Variants in BUB1B observed in about 807,000 individuals in gnomAD.
BUB1B encodes BUB1 mitotic checkpoint serine/threonine kinase B, also known as mitotic checkpoint serine/threonine-protein kinase BUB1 beta.
A neutral mutation model predicts 137.7 loss-of-function variants in BUB1B; 86 were observed. That is an observed-to-expected ratio of 0.62 (90% CI 0.52 to 0.75). The LOEUF (loss-of-function observed/expected upper bound fraction) is 0.75. Ranked by LOEUF, BUB1B falls within the 30% of genes least tolerant of loss-of-function variation. BUB1B has a pLI of 0.00. For missense variants in BUB1B, 1,130 were observed against 1,236.9 expected, an observed-to-expected ratio of 0.91 and a Z score of 1.30; for synonymous variants, 420 against 417.9, an observed-to-expected ratio of 1.00 and a Z score of -0.06.
At chr15:40,219,953 G>A (rs188062769) in intron 22 of BUB1B, among the ~76,000 whole-genome samples, 1 of 152,234 alleles carries the variant, frequency 6.6e-6, no homozygotes, top group Admixed American at 6.5e-5. Flanking sequence ...GAAATACAAT[G>A]TAAGACATAT....
At chr15:40,196,422 G>T (rs1016943808) in intron 8 of BUB1B, 123 bp from the exon 9 acceptor site, 2 of 860,156 alleles carry the variant, frequency 2.3e-6, no homozygotes, top group Non-Finnish European at 3.7e-6. Context: ...GTAATGTAAG[G>T]CCTCCAGATT....
At chr15:40,175,243 T>A (rs1375933893) in intron 4 of BUB1B, among the ~76,000 whole-genome samples, 1 of 152,152 alleles carries the variant, frequency 6.6e-6, no homozygotes, top group African/African-American at 2.4e-5. Flanking sequence ...TGTTTAAATA[T>A]CCAGAAGTAG....
intron 18 of BUB1B, among the ~76,000 whole-genome samples, chr15:40,210,984 C>T (rs531035917): frequency 2.3e-4 from 35 of 152,300 alleles, no homozygotes; most frequent in African/African-American, 7.7e-4. Flanking sequence ...TTAATTCCCT[C>T]AGTTCTGAGA....
At chr15:40,175,247 G>A (rs967565791) in intron 4 of BUB1B, among the ~76,000 whole-genome samples, 4 of 152,110 alleles carry the variant, frequency 2.6e-5, no homozygotes, top group African/African-American at 9.7e-5. Flanking sequence ...TAAATATCCA[G>A]AAGTAGATGA....
At chr15:40,203,363 G>T (rs2037598682) in intron 14 of BUB1B, among the ~76,000 whole-genome samples, 1 of 152,206 alleles carries the variant, frequency 6.6e-6, no homozygotes, top group Non-Finnish European at 1.5e-5. Flanking sequence ...AAGTGTCATG[G>T]ATTGAGGTTT....
chr15:40,212,735 G>C (rs2037730102), intron 19 of BUB1B, 87 bp downstream of exon 19: 5 of 1,263,584 alleles, frequency 4.0e-6, no homozygotes, highest in Non-Finnish European at 5.6e-6. Flanking sequence ...CAAAATTCCT[G>C]TCAATCTTCT....
Position 40,196,717 on chromosome 15 carries a change from T to G in BUB1B, c.1231T>G (p.Ser411Ala). The G allele has an allele frequency of 6.2e-7, 1 of 1,614,098 alleles. No homozygotes were observed. The highest frequency in any genetic ancestry group is 8.5e-7 in the Non-Finnish European group (1 of 1,179,948). ...EKIYAGVGEF[S>A]FEEIRAEVFR... ...GATTTATGCAGGAGTAGGGGAATTCTCCTTTGAAGAAATTCGGGCTGAAGT... is the reference window on the plus strand; with the variant it reads ...GATTTATGCAGGAGTAGGGGAATTCGCCTTTGAAGAAATTCGGGCTGAAGT... Residue 411 changes from serine (S) to alanine (A), a missense_variant, in exon 9 of 23, where the codon TCC becomes GCC. Coordinates refer to ENST00000287598, the MANE Select transcript of BUB1B (RefSeq NM_001211.6).
intron 2 of BUB1B, among the ~76,000 whole-genome samples, chr15:40,169,716 G>C (rs367927436): frequency 8.8e-5 from 13 of 146,932 alleles, no homozygotes; most frequent in African/African-American, 2.8e-4. Flanking sequence ...AGGTTCAAGT[G>C]CTCTTCCCAC....
chr15:40,185,203 C>T lies in BUB1B; in HGVS notation c.790C>T (p.Gln264Ter). The change falls in exon 7 of 23, where the codon CAA (glutamine) becomes TAA (stop). Residue 264 changes from glutamine (Q) to a stop codon, truncating the protein, a stop_gained. Coordinates refer to ENST00000287598, the MANE Select transcript of BUB1B (RefSeq NM_001211.6). LOFTEE classifies it high-confidence loss of function. ...QNRGLQNPFP[Q>*]QMQNNSRITV... Reference sequence around the variant, plus strand: ...CAGAGGACTCCAAAATCCATTTCCTCAACAGATGCAAAATAATAGTAGAAT... The same window carrying T: ...CAGAGGACTCCAAAATCCATTTCCTTAACAGATGCAAAATAATAGTAGAAT... 1.9e-6 allele frequency: 3 copies of T among 1,614,080 alleles called. No homozygotes were observed. The highest frequency in any genetic ancestry group is 2.5e-6 in the Non-Finnish European group (3 of 1,180,010).
intron 2 of BUB1B, chr15:40,166,328 T>C: frequency 2.3e-6 from 1 of 435,232 alleles, no homozygotes; most frequent in Non-Finnish European, 4.5e-6. Context: ...GACATAATTT[T>C]CTCTCTCTCT....
intron 20 of BUB1B, among the ~76,000 whole-genome samples, chr15:40,215,995 G>A (rs938094617): frequency 6.6e-6 from 1 of 152,154 alleles, no homozygotes; most frequent in Admixed American, 6.5e-5. Flanking sequence ...CATATTTTTT[G>A]TGAGGAAAAT....
At chr15:40,214,855 G>C (rs2037756316) in intron 20 of BUB1B, among the ~76,000 whole-genome samples, 1 of 85,418 alleles carries the variant, frequency 1.2e-5, no homozygotes, top group Non-Finnish European at 2.1e-5. Context: ...ACCCAATTAA[G>C]TGCAAGTAAC....
intron 7 of BUB1B, 42 bp downstream of exon 7, chr15:40,185,421 A>T: frequency 6.2e-7 from 1 of 1,604,228 alleles, no homozygotes. Flanking sequence ...CACAACAAAG[A>T]CTTCACATTT....
chr15:40,206,962 A>G (rs1166257588), intron 15 of BUB1B, among the ~76,000 whole-genome samples: 2 of 152,120 alleles, frequency 1.3e-5, no homozygotes, highest in Non-Finnish European at 2.9e-5. Context: ...GGTGCGCACC[A>G]TCATGCCTGG....
chr15:40,173,771 T>C (rs1748563854), intron 4 of BUB1B, among the ~76,000 whole-genome samples: 1 of 152,190 alleles, frequency 6.6e-6, no homozygotes, highest in Non-Finnish European at 1.5e-5. Flanking sequence ...TCAGCAATAA[T>C]CTGAACTTTG....
At chr15:40,174,099 T>C (rs1057484589) in intron 4 of BUB1B, 3 of 322,392 alleles carry the variant, frequency 9.3e-6, no homozygotes, top group African/African-American at 6.7e-5. Context: ...AGTGATCTTA[T>C]TCAGCACTCT....
rs548903628 is a variant in BUB1B at position 40,193,928 on chromosome 15, G to T, written c.1059-2617G>T. On this transcript the variant is annotated intron_variant, in intron 8 of 22. Coordinates refer to ENST00000287598, the MANE Select transcript of BUB1B (RefSeq NM_001211.6). ...AAAAAAAACAGGGTCTCACTGTATT[G>T]CCCAGGCTGGTCTTGAACTCCTGGC... 6.3e-4 allele frequency among the ~76,000 whole-genome samples: 94 copies of T among 148,542 alleles called. No homozygotes were observed. In the South Asian group the frequency reaches 0.019, roughly 30 times the overall value.
chr15:40,182,610 G>T (rs1464693269), intron 5 of BUB1B, among the ~76,000 whole-genome samples: 3 of 152,182 alleles, frequency 2.0e-5, no homozygotes, highest in Non-Finnish European at 2.9e-5. Flanking sequence ...AGCCTTTTCT[G>T]TGCTGCTTTG....
In BUB1B at chr15:40,161,089, T is replaced by G; in HGVS notation, c.-132T>G. Reference sequence around the variant, plus strand: ...GGGGTGTGGGCTTGAGGTGGCCGGTTTGTTAGGGAGTCGTGTACGTGCCTT... The same window carrying G: ...GGGGTGTGGGCTTGAGGTGGCCGGTGTGTTAGGGAGTCGTGTACGTGCCTT... On this transcript the variant is annotated 5_prime_UTR_variant, in exon 1 of 23. Coordinates refer to ENST00000287598, the MANE Select transcript of BUB1B (RefSeq NM_001211.6). The G allele has an allele frequency of 5.7e-6, 7 of 1,228,374 alleles. No individual in the cohort carries two copies. The highest frequency in any genetic ancestry group is 6.8e-6 in the Non-Finnish European group (6 of 883,582). The allele number at this position is 1,228,374 out of a possible 1,614,324, so 76.1% of individuals were successfully genotyped here. A position where few individuals can be genotyped will look rare whatever the true frequency, so the allele number is the denominator to read the frequency against.
Sources: allele counts gnomAD v4.1 joint callset (sites outside exome capture counted in the v4.1 genomes callset), GRCh38; gene constraint gnomAD v4.1.1; transcripts MANE v1.5; gene names NCBI Gene and HGNC (gene_info 2026-07-23, HGNC 2026-07-21).